Variants in CNTNAP2 observed in about 807,000 individuals in gnomAD.
CNTNAP2 encodes the protein contactin-associated protein-like 2.
A neutral mutation model predicts 155.2 loss-of-function variants in CNTNAP2; 98 were observed. The observed-to-expected ratio is 0.63, with a 90% CI of 0.54 to 0.75. The LOEUF (loss-of-function observed/expected upper bound fraction) is 0.75. Among genes scored for constraint, CNTNAP2 ranks in the 30% least tolerant of loss-of-function variants. The probability of loss-of-function intolerance (pLI) is 0.00; values close to 1 mark genes in which losing one functional copy is unlikely to be tolerated. For synonymous variants in CNTNAP2, 651 were observed against 631.2 expected, an observed-to-expected ratio of 1.03 and a Z score of -0.47; for missense variants, 1,727 against 1,688.1, an observed-to-expected ratio of 1.02 and a Z score of -0.40.
At chr7:147,689,967 G>A (rs1796065127) in intron 13 of CNTNAP2, among the ~76,000 whole-genome samples, 1 of 151,018 alleles carries the variant, frequency 6.6e-6, no homozygotes, top group African/African-American at 2.5e-5. Flanking sequence ...TCTGTAGATT[G>A]TGTGGCTTGA....
chr7:146,581,642 AT>A (rs1165725683), intron 1 of CNTNAP2, among the ~76,000 whole-genome samples: 1 of 141,444 alleles, frequency 7.1e-6, no homozygotes, highest in Admixed American at 7.1e-5. Context: ...AAACAAGAAA[AT>A]GATGGCCATT....
chr7:146,349,702 G>A (rs1021727399), intron 1 of CNTNAP2, among the ~76,000 whole-genome samples: 4 of 152,088 alleles, frequency 2.6e-5, no homozygotes, highest in African/African-American at 9.7e-5. Flanking sequence ...TGTCTGTAAA[G>A]TATTTTATTT....
intron 8 of CNTNAP2, among the ~76,000 whole-genome samples, chr7:147,232,647 T>A (rs1803705899): frequency 6.6e-6 from 1 of 152,182 alleles, no homozygotes; most frequent in Non-Finnish European, 1.5e-5. Context: ...AAGAATAAAA[T>A]TAGACTCCTG....
intron 14 of CNTNAP2, among the ~76,000 whole-genome samples, chr7:147,948,814 A>G (rs1176352388): frequency 6.6e-6 from 1 of 152,098 alleles, no homozygotes; most frequent in Non-Finnish European, 1.5e-5. Flanking sequence ...AACCTTACCC[A>G]TAACATAAAC....
At chr7:147,581,881 C>T (rs532861111) in intron 12 of CNTNAP2, among the ~76,000 whole-genome samples, 8 of 152,078 alleles carry the variant, frequency 5.3e-5, no homozygotes, top group Middle Eastern at 3.4e-3. Flanking sequence ...AAAGAAAATA[C>T]AATAGTAAGG....
At chr7:146,437,512 C>T (rs558263736) in intron 1 of CNTNAP2, among the ~76,000 whole-genome samples, 1 of 151,404 alleles carries the variant, frequency 6.6e-6, no homozygotes, top group Non-Finnish European at 1.5e-5. Context: ...CATTCTCCCT[C>T]GCATTCATAC....
At chr7:146,551,960 C>T (rs1798129096) in intron 1 of CNTNAP2, among the ~76,000 whole-genome samples, 1 of 151,918 alleles carries the variant, frequency 6.6e-6, no homozygotes, top group African/African-American at 2.4e-5. Flanking sequence ...ACAATCTCCT[C>T]AATTTCAACT....
intron 1 of CNTNAP2, among the ~76,000 whole-genome samples, chr7:146,186,526 T>G (rs1391340313): frequency 6.6e-6 from 1 of 152,204 alleles, no homozygotes; most frequent in Non-Finnish European, 1.5e-5. Flanking sequence ...ATCTGTACTT[T>G]CTTCCAGTTT....
At chr7:147,249,849 C>T (rs1329001997) in intron 8 of CNTNAP2, among the ~76,000 whole-genome samples, 5 of 152,092 alleles carry the variant, frequency 3.3e-5, no homozygotes, top group Non-Finnish European at 7.4e-5. Flanking sequence ...TTCTGAAAAG[C>T]TCTCCCTCTG....
At chr7:147,442,461 T>C (rs911448222) in intron 10 of CNTNAP2, among the ~76,000 whole-genome samples, 74 of 152,276 alleles carry the variant, frequency 4.9e-4, no homozygotes, top group African/African-American at 1.6e-3. Context: ...AGCCAAGTGC[T>C]GGAATTAGGG....
chr7:146,614,140 C>T lies in CNTNAP2; in HGVS notation c.98-160131C>T, dbSNP rs180848858. On this transcript the variant is annotated intron_variant, in intron 1 of 23. Coordinates refer to ENST00000361727, the MANE Select transcript of CNTNAP2 (RefSeq NM_014141.6). ...TTTTAAGCAATGCATTTGTAGAATT[C>T]CTCTGGTTTTACTAGAGTTAACCTT... is the stretch of plus-strand genomic sequence containing the variant. 1.4e-4 allele frequency among the ~76,000 whole-genome samples: 21 copies of T among 152,150 alleles called. No homozygotes were observed. The East Asian group carries it at 2.9e-3, about 21-fold the overall frequency.
At chr7:147,223,183 A>G (rs574560642) in intron 8 of CNTNAP2, among the ~76,000 whole-genome samples, 2 of 152,280 alleles carry the variant, frequency 1.3e-5, no homozygotes, top group Non-Finnish European at 2.9e-5. Flanking sequence ...CAATTTGTCA[A>G]TTACAGTTCA....
At chr7:146,446,939 G>T (rs1796410705) in intron 1 of CNTNAP2, among the ~76,000 whole-genome samples, 1 of 151,826 alleles carries the variant, frequency 6.6e-6, no homozygotes. Context: ...GACTTTTTAG[G>T]TATTCAAAAA....
At chr7:146,384,012 C>T (rs183433976) in intron 1 of CNTNAP2, among the ~76,000 whole-genome samples, 195 of 152,114 alleles carry the variant, frequency 1.3e-3, no homozygotes, top group African/African-American at 4.4e-3. Flanking sequence ...GTCACTGATT[C>T]GATATTGAGC....
chr7:146,359,971 C>T (rs966205676), intron 1 of CNTNAP2, among the ~76,000 whole-genome samples: 1 of 152,132 alleles, frequency 6.6e-6, no homozygotes, highest in African/African-American at 2.4e-5. Flanking sequence ...AAAAACTTCT[C>T]TTTGCTTAAG....
At chr7:146,958,766 T>C (rs1328539104) in intron 3 of CNTNAP2, among the ~76,000 whole-genome samples, 1 of 152,100 alleles carries the variant, frequency 6.6e-6, no homozygotes, top group African/African-American at 2.4e-5. Flanking sequence ...ATCTGTCATA[T>C]ATAGCCTCAA....
intron 8 of CNTNAP2, among the ~76,000 whole-genome samples, chr7:147,272,238 C>T (rs1185195361): frequency 3.3e-5 from 5 of 152,150 alleles, no homozygotes; most frequent in African/African-American, 1.2e-4. Flanking sequence ...TGTAACCCTT[C>T]TCCATAACAA....
At chr7:146,570,519 A>G (rs1349381528) in intron 1 of CNTNAP2, among the ~76,000 whole-genome samples, 1 of 152,164 alleles carries the variant, frequency 6.6e-6, no homozygotes, top group Non-Finnish European at 1.5e-5. Flanking sequence ...TTTTTATGTG[A>G]CATCTAAAAA....
intron 1 of CNTNAP2, among the ~76,000 whole-genome samples, chr7:146,395,825 A>AGG (rs72231146): frequency 1.5e-5 from 2 of 134,234 alleles, no homozygotes; most frequent in South Asian, 2.3e-4. Context: ...AGATAGATAG[A>AGG]GGAGAGAGAG....
Sources: allele counts gnomAD v4.1 joint callset (sites outside exome capture counted in the v4.1 genomes callset), GRCh38; gene constraint gnomAD v4.1.1; transcripts MANE v1.5; gene names NCBI Gene and HGNC (gene_info 2026-07-23, HGNC 2026-07-21).